The following PCDHA5 variants were observed in gnomAD, a reference collection of about 807,000 sequenced individuals.
PCDHA5 encodes protocadherin alpha 5.
In PCDHA5, 43 loss-of-function variants were observed where a neutral mutation model predicts 61.6. The ratio of observed to expected loss-of-function variants is 0.70; its 90% CI spans 0.55 to 0.90. The LOEUF is 0.90. Among genes scored for constraint, PCDHA5 ranks in the 40% least tolerant of loss-of-function variants. The pLI is 0.00. For synonymous variants in PCDHA5, 627 were observed against 543.9 expected (o/e 1.15, Z -2.13); for missense variants, 1,298 against 1,222.7 (o/e 1.06, Z -0.92).
intron 3 of PCDHA5, among the ~76,000 whole-genome samples, chr5:140,985,544 G>T (rs1426303468): frequency 6.6e-6 from 1 of 152,108 alleles, no homozygotes; most frequent in Non-Finnish European, 1.5e-5. Flanking sequence ...TGAAGATGCA[G>T]TTGCTTCCAA....
intron 3 of PCDHA5, among the ~76,000 whole-genome samples, chr5:141,003,468 C>T (rs2098126270): frequency 6.6e-6 from 1 of 152,066 alleles, no homozygotes; most frequent in Non-Finnish European, 1.5e-5. Context: ...TGCACCACCA[C>T]AGTCTCGCTA....
Position 140,982,562 on chromosome 5 carries a change from A to C in PCDHA5, c.2499A>C (p.Pro833=). ...QQWPTVSSAT[P]EPEAGEVSPP... ...GGCCAACAGTATCCAGTGCAACACCAGGTAAAGAGCTGGGGTCTCTCCATT... is the reference window on the plus strand; with the variant it reads ...GGCCAACAGTATCCAGTGCAACACCCGGTAAAGAGCTGGGGTCTCTCCATT... Residue 833 remains proline, a splice_region_variant and synonymous_variant, in exon 3 of 4, where the codon CCA becomes CCC. Coordinates refer to ENST00000529859, the MANE Select transcript of PCDHA5 (RefSeq NM_018908.3). 3 of 1,614,062 alleles carry C rather than the reference A, an allele frequency of 1.9e-6. No individual in the cohort carries two copies. The highest frequency in any genetic ancestry group is 2.5e-6 in the Non-Finnish European group (3 of 1,179,936).
At chr5:140,858,042 T>C in intron 1 of PCDHA5, 1 of 1,597,284 alleles carries the variant, frequency 6.3e-7, no homozygotes, top group Non-Finnish European at 8.6e-7. Context: ...GCCACTGTGC[T>C]TGTGTCGCTT....
chr5:140,875,981 A>G lies in PCDHA5; in HGVS notation c.2352+51854A>G, dbSNP rs200521027. 1.0e-3 allele frequency: 1,684 copies of G among 1,614,052 alleles called. 3 individuals are homozygous for G. Among genetic ancestry groups the G allele is most frequent in the Admixed American group, 1.5e-3 (93 of 60,032 alleles). ...ATCGGCGTAAACTCTCTTTTGACCT[A>G]TGCGTTAAGTCTAAATGAGAATTTT... On this transcript the variant is annotated intron_variant, in intron 1 of 3. Transcript: ENST00000529859.
chr5:140,984,945 C>CT (rs113297104), intron 3 of PCDHA5, among the ~76,000 whole-genome samples: 99 of 149,274 alleles, frequency 6.6e-4, no homozygotes, highest in Non-Finnish European at 1.1e-3. Context: ...AATGTCTAAT[C>CT]TTTTTTTTTT....
rs1314619067 is a variant in PCDHA5 at position 140,835,422 on chromosome 5, G to A, written c.2352+11295G>A. On this transcript the variant is annotated intron_variant, in intron 1 of 3. Transcript: ENST00000529859. The stretch of plus-strand genomic sequence containing the variant: ...GGAAGTTGTGGATGTAAATGACAAT[G>A]CTCCACAGTTGACTCTCACTTCCCT... 1.4e-5 allele frequency: 23 copies of A among 1,613,834 alleles called. No individual in the cohort carries two copies. The highest frequency in any genetic ancestry group is 1.9e-5 in the Non-Finnish European group (22 of 1,179,890).
chr5:140,959,347 C>T (rs561977478), intron 1 of PCDHA5, among the ~76,000 whole-genome samples: 4 of 151,938 alleles, frequency 2.6e-5, no homozygotes, highest in Admixed American at 6.6e-5. Context: ...TGCACTCCAG[C>T]GGGACAACTG....
chr5:140,863,464 C>A, intron 1 of PCDHA5: 1 of 512,348 alleles, frequency 2.0e-6, no homozygotes, highest in South Asian at 1.5e-5. Context: ...AGATTTTACT[C>A]TGGAGAGTCG....
chr5:140,972,661 T>C, intron 1 of PCDHA5, among the ~76,000 whole-genome samples: 1 of 48,668 alleles, frequency 2.1e-5, no homozygotes, highest in South Asian at 6.9e-4. Flanking sequence ...AGAAACCAAA[T>C]TTTTTTTTTT....
At chr5:140,971,661 TAGAG>T (rs2096491377) in intron 1 of PCDHA5, among the ~76,000 whole-genome samples, 1 of 152,064 alleles carries the variant, frequency 6.6e-6, no homozygotes, top group Non-Finnish European at 1.5e-5. Context: ...AGATGGGAAT[TAGAG>T]AGGAAGAGTA....
intron 1 of PCDHA5, among the ~76,000 whole-genome samples, chr5:140,915,092 C>T (rs781958993): frequency 9.2e-5 from 14 of 151,760 alleles, no homozygotes; most frequent in East Asian, 1.9e-4. Context: ...ACTATGGGCA[C>T]GCACCACCAC....
intron 3 of PCDHA5, among the ~76,000 whole-genome samples, chr5:140,991,094 A>G (rs144874764): frequency 9.8e-4 from 150 of 152,358 alleles, no homozygotes; most frequent in African/African-American, 3.5e-3. Context: ...ATTAAAGCTC[A>G]TAAGAATTAA....
chr5:140,843,854 A>G, intron 1 of PCDHA5: 1 of 943,502 alleles, frequency 1.1e-6, no homozygotes, highest in Non-Finnish European at 1.6e-6. Flanking sequence ...ACCTTTTATA[A>G]TTAATTGAAT....
At position 140,822,525 on chromosome 5, in the gene PCDHA5, G is replaced by T. The variant is rs1479400729; in HGVS notation, c.750G>T (p.Leu250Phe). The change falls in exon 1 of 4, where the codon TTG becomes TTT. Residue 250 changes from leucine to phenylalanine, a missense_variant. Physicochemically the swap from Leu to Phe is conservative, Grantham distance 22 (BLOSUM62 0). Coordinates refer to ENST00000529859, the MANE Select transcript of PCDHA5 (RefSeq NM_018908.3). The part of the protein sequence containing the change: ...EFDKSIYNVR[L>F]LENAPSGTLV... ...ATAAATCCATTTATAATGTCAGATT[G>T]TTGGAAAATGCACCAAGTGGGACAT... 5.0e-6 allele frequency: 8 copies of T among 1,613,810 alleles called. No homozygotes were observed. In the East Asian group the frequency reaches 1.8e-4, roughly 36 times the overall value.
At chr5:140,890,923 C>T (rs535912661) in intron 1 of PCDHA5, among the ~76,000 whole-genome samples, 1 of 152,202 alleles carries the variant, frequency 6.6e-6, no homozygotes, top group East Asian at 1.9e-4. Context: ...TTGAGAGTTT[C>T]CTTTAGTCCA....
intron 1 of PCDHA5, chr5:140,865,407 G>A (rs2048863469): frequency 6.6e-6 from 1 of 152,160 alleles, no homozygotes; most frequent in Non-Finnish European, 1.5e-5. Flanking sequence ...TGCTGAAAAG[G>A]AATTAGTAGT....
At chr5:140,895,898 G>A (rs1023440863) in intron 1 of PCDHA5, among the ~76,000 whole-genome samples, 2 of 152,016 alleles carry the variant, frequency 1.3e-5, no homozygotes, top group South Asian at 4.1e-4. Flanking sequence ...TGCAACCTCC[G>A]CGTCCCGGGC....
chr5:140,857,965 T>A (rs2045057486), intron 1 of PCDHA5: 1 of 1,597,084 alleles, frequency 6.3e-7, no homozygotes, highest in East Asian at 2.2e-5. Context: ...TGGATGAGAC[T>A]GACTCGCCAC....
intron 1 of PCDHA5, chr5:140,852,075 A>G (rs2042230918): frequency 1.1e-6 from 1 of 900,346 alleles, no homozygotes; most frequent in Admixed American, 6.3e-5. Flanking sequence ...TCTTTCAGCT[A>G]TTTTATTTAA....
Sources: gnomAD v4.1 joint callset for allele counts (sites outside exome capture counted in the v4.1 genomes callset) on GRCh38, gnomAD v4.1.1 for gene constraint, MANE v1.5 for transcripts, NCBI Gene and HGNC (gene_info 2026-07-23, HGNC 2026-07-21) for gene names.